The following RANBP3 variants were observed in gnomAD, a reference collection of about 807,000 sequenced individuals.
RANBP3 encodes the protein ran-binding protein 3.
Under a neutral mutation model 77.3 loss-of-function variants are expected in RANBP3, and 14 were observed. That is an observed-to-expected ratio of 0.18 (90% CI 0.12 to 0.28). RANBP3 has a LOEUF of 0.28. Ranked by LOEUF, RANBP3 falls within the 10% of genes least tolerant of loss-of-function variation. The probability of loss-of-function intolerance (pLI) is 1.00; values close to 1 mark genes in which losing one functional copy is unlikely to be tolerated. For missense variants in RANBP3, 586 were observed against 752.3 expected (o/e 0.78, Z 2.59); for synonymous variants, 315 against 312.4 (o/e 1.01, Z -0.09).
chr19:5,976,458 T>G (rs755637346), intron 1 of RANBP3: 1 of 152,096 alleles, frequency 6.6e-6, no homozygotes, highest in East Asian at 1.9e-4. Context: ...AAAAAAGAGA[T>G]GTAGCAGCCG....
At position 5,923,227 on chromosome 19, in the gene RANBP3, G is replaced by A. The variant is rs1275455073; in HGVS notation, c.1176C>T (p.Ile392=). 3 of 1,614,216 alleles carry A rather than the reference G, an allele frequency of 1.9e-6. No individual in the cohort carries two copies. The highest frequency in any genetic ancestry group is 1.6e-4 in the Middle Eastern group (1 of 6,062). ...RKCLLEKVEV[I]TGEEAESNVL... ...CATTGCTCTCCGCCTCCTCCCCGGT[G>A]ATGACTTCCACTTTTTCCAACAAAC... Residue 392 remains isoleucine (I), a synonymous_variant, in exon 13 of 17, where the codon ATC becomes ATT. Coordinates refer to ENST00000340578, the MANE Select transcript of RANBP3 (RefSeq NM_007322.3).
At chr19:5,956,959 G>A (rs1599777844) in intron 2 of RANBP3, among the ~76,000 whole-genome samples, 2 of 152,296 alleles carry the variant, frequency 1.3e-5, no homozygotes, top group African/African-American at 4.8e-5. Context: ...TGTTGCAGCG[G>A]GTATGAGGTG....
At position 5,937,165 on chromosome 19, in the gene RANBP3, A is replaced by AGTGTGATG. The variant is rs1439400159; in HGVS notation, c.407-3694_407-3687dup. The stretch of plus-strand genomic sequence containing the variant: ...CTGGGCGCGAACACTGGAGGGCAGG[A>AGTGTGATG]GTGTGATGAGGTACACACAGTCCCA... On this transcript the variant is annotated intron_variant, in intron 5 of 16. Transcript: ENST00000340578. Among the ~76,000 whole-genome samples the AGTGTGATG allele has an allele frequency of 5.3e-5, 8 of 150,898 alleles. No homozygotes were observed. The East Asian group carries it at 1.6e-3, about 30-fold the overall frequency.
intron 5 of RANBP3, among the ~76,000 whole-genome samples, chr19:5,935,521 A>G (rs2058052156): frequency 6.6e-6 from 1 of 152,264 alleles, no homozygotes; most frequent in African/African-American, 2.4e-5. Flanking sequence ...GTTTTTAGCA[A>G]GCTCTTCAAG....
rs749493518 is a variant in RANBP3 at position 5,952,887 on chromosome 19, C to A, written c.79-1291G>T. ...GGCTCTCTAAACCTGCACAGGGCAC[C>A]GTGGTTCGTCCAGCCACCCATGTCT... On this transcript the variant is annotated intron_variant, in intron 2 of 16. Transcript: ENST00000340578. This position sits in a 1 kb window ranked among gnomAD's most constrained non-coding sequence, Gnocchi z 4.1. Among the ~76,000 whole-genome samples the A allele has an allele frequency of 2.0e-5, 3 of 152,158 alleles. No individual in the cohort carries two copies. The highest frequency in any genetic ancestry group is 4.4e-5 in the Non-Finnish European group (3 of 68,040).
At chr19:5,918,137 A>C (rs1407067910) in intron 15 of RANBP3, among the ~76,000 whole-genome samples, 157 bp from the exon 16 acceptor site, 2 of 152,130 alleles carry the variant, frequency 1.3e-5, no homozygotes, top group African/African-American at 4.8e-5. Context: ...CTCTCCCCGA[A>C]AGGATGCCAC....
chr19:5,941,537 A>G, intron 5 of RANBP3, 84 bp downstream of exon 5: 3 of 1,236,766 alleles, frequency 2.4e-6, no homozygotes, highest in South Asian at 1.3e-5. Context: ...GGAAGGACAC[A>G]GCAGACGGAT....
At chr19:5,933,324 G>A in intron 6 of RANBP3, 90 bp downstream of exon 6, 2 of 1,044,754 alleles carry the variant, frequency 1.9e-6, no homozygotes, top group Non-Finnish European at 2.8e-6. Flanking sequence ...CTAGAAAGCA[G>A]GCTGAGCCCG....
At chr19:5,978,032 C>T in intron 1 of RANBP3, 29 bp downstream of exon 1, 1 of 1,609,248 alleles carries the variant, frequency 6.2e-7, no homozygotes, top group Non-Finnish European at 8.5e-7. Flanking sequence ...CCCCGGCCGC[C>T]AGCCGGTCCC....
chr19:5,952,327 C>G lies in RANBP3; in HGVS notation c.79-731G>C, dbSNP rs1426614229. Among the ~76,000 whole-genome samples the G allele has an allele frequency of 1.3e-5, 2 of 152,072 alleles. No individual in the cohort carries two copies. The highest frequency in any genetic ancestry group is 1.5e-5 in the Non-Finnish European group (1 of 68,000). On this transcript the variant is annotated intron_variant, in intron 2 of 16. Transcript: ENST00000340578. The surrounding 1 kb of genome is among the most constrained non-coding windows in gnomAD (Gnocchi z 4.1). ...TCTCCCAGGTGCATCCTCAACACCCCAGGCAAGGGCTCATTTGGAAAGCTG... is the reference window on the plus strand; with the variant it reads ...TCTCCCAGGTGCATCCTCAACACCCGAGGCAAGGGCTCATTTGGAAAGCTG...
Position 5,923,306 on chromosome 19 carries a change from G to A in RANBP3, c.1100-3C>T. The A allele has an allele frequency of 2.5e-6, 4 of 1,613,802 alleles. No homozygotes were observed. In the African/African-American group the frequency reaches 5.3e-5, roughly 22 times the overall value. ...GGCTGCCGACTCAGCCAGGGACTCT[G>A]AAAAGTTATTGGCCAAAAAGACTGA... is the stretch of plus-strand genomic sequence containing the variant. On this transcript the variant is annotated splice_polypyrimidine_tract_variant and splice_region_variant and intron_variant, in intron 12 of 16. Coordinates refer to ENST00000340578, the MANE Select transcript of RANBP3 (RefSeq NM_007322.3).
chr19:5,924,983 ACAC>A lies in RANBP3; in HGVS notation c.918-81_918-79del. 7.7e-7 allele frequency: 1 copy of A among 1,303,928 alleles called. No individual in the cohort carries two copies. The highest frequency in any genetic ancestry group is 1.2e-5 in the South Asian group (1 of 84,666). 80.8% of individuals were successfully genotyped at this position (1,303,928 alleles called of 1,614,324 possible). A position where few individuals can be genotyped will look rare whatever the true frequency, so the allele number is the denominator to read the frequency against. The stretch of plus-strand genomic sequence containing the variant: ...GCAAATGTATGGGTACCCATGGAGC[ACAC>A]ACTGACACAGAGGGCACAGTGGAGG... On this transcript the variant is annotated intron_variant, in intron 10 of 16. Coordinates refer to ENST00000340578, the MANE Select transcript of RANBP3 (RefSeq NM_007322.3). This position sits in a 1 kb window ranked among gnomAD's most constrained non-coding sequence, Gnocchi z 4.7.
Position 5,917,540 on chromosome 19 carries a change from G to A in RANBP3, c.*70C>T. 2.0e-6 allele frequency: 3 copies of A among 1,479,608 alleles called. No homozygotes were observed. The highest frequency in any genetic ancestry group is 1.8e-6 in the Non-Finnish European group (2 of 1,109,950). The allele number at this position is 1,479,608 out of a possible 1,614,324, so 91.7% of individuals were successfully genotyped here. On this transcript the variant is annotated 3_prime_UTR_variant, in exon 17 of 17. Coordinates refer to ENST00000340578, the MANE Select transcript of RANBP3 (RefSeq NM_007322.3). Reference sequence around the variant, plus strand: ...CCCCGCACCTGGACGCTGCCGGTGGGGTGGGGGCGGGTGGGCGGGTGGATA... The same window carrying A: ...CCCCGCACCTGGACGCTGCCGGTGGAGTGGGGGCGGGTGGGCGGGTGGATA...
At chr19:5,944,072 T>G (rs1185521029) in intron 3 of RANBP3, among the ~76,000 whole-genome samples, 1 of 152,128 alleles carries the variant, frequency 6.6e-6, no homozygotes, top group Non-Finnish European at 1.5e-5. Flanking sequence ...ATGCGTGAGG[T>G]GACAGGCAGG....
chr19:5,931,124 C>T (rs184245085), intron 8 of RANBP3, among the ~76,000 whole-genome samples: 22 of 152,320 alleles, frequency 1.4e-4, no homozygotes, highest in Admixed American at 3.3e-4. Context: ...CAGGCCCTTC[C>T]GGCAGAACTC....
chr19:5,964,852 T>TTGGG (rs1400764745), intron 1 of RANBP3, among the ~76,000 whole-genome samples: 13 of 16,998 alleles, frequency 7.6e-4, no homozygotes, highest in Admixed American at 3.6e-3. Flanking sequence ...GGTGGTAGGG[T>TTGGG]GGGGGGGGGG....
chr19:5,927,387 A>C (rs990928510), intron 9 of RANBP3, among the ~76,000 whole-genome samples: 1 of 152,128 alleles, frequency 6.6e-6, no homozygotes, highest in African/African-American at 2.4e-5. Context: ...CTTAAAAAAA[A>C]ATAAGGTGAC....
At chr19:5,945,628 T>C (rs2058194382) in intron 3 of RANBP3, among the ~76,000 whole-genome samples, 1 of 152,154 alleles carries the variant, frequency 6.6e-6, no homozygotes, top group African/African-American at 2.4e-5. Flanking sequence ...TTACTCAAAG[T>C]GTGGTACCGA....
chr19:5,977,903 G>T (rs1160110220), intron 1 of RANBP3, among the ~76,000 whole-genome samples, 158 bp downstream of exon 1: 3 of 152,156 alleles, frequency 2.0e-5, no homozygotes, highest in Non-Finnish European at 2.9e-5. Context: ...GGCCTGAGGG[G>T]ACGCAATAGG....
Sources: allele counts gnomAD v4.1 joint callset (sites outside exome capture counted in the v4.1 genomes callset), GRCh38; gene constraint gnomAD v4.1.1; non-coding constraint Gnocchi (gnomAD v3.1); transcripts MANE v1.5; gene names NCBI Gene and HGNC (gene_info 2026-07-23, HGNC 2026-07-21).